SLCO1B1: variants seen among roughly 807,000 people sequenced by gnomAD.
SLCO1B1 encodes solute carrier organic anion transporter family member 1B1.
SLCO1B1 carries 81 observed loss-of-function variants against 70.1 expected under a neutral mutation model. The ratio of observed to expected loss-of-function variants is 1.16; its 90% CI spans 0.97 to 1.39. The LOEUF (loss-of-function observed/expected upper bound fraction) is 1.39, where lower values mean the gene tolerates loss of function less well. Ranked by LOEUF, SLCO1B1 falls within the 40% of genes most tolerant of loss-of-function variation. The probability of loss-of-function intolerance (pLI) is 0.00; values close to 1 mark genes in which losing one functional copy is unlikely to be tolerated. For missense variants in SLCO1B1, 895 were observed against 799.6 expected (o/e 1.12, Z -1.44); for synonymous variants, 283 against 271.5 (o/e 1.04, Z -0.42).
intron 8 of SLCO1B1, among the ~76,000 whole-genome samples, chr12:21,198,615 C>G (rs1190554173): frequency 6.6e-6 from 1 of 151,758 alleles, no homozygotes; most frequent in African/African-American, 2.4e-5. Context: ...AAGTATGTAT[C>G]TATTAGGAAT....
intron 10 of SLCO1B1, among the ~76,000 whole-genome samples, chr12:21,205,564 C>T (rs2121155034): frequency 6.6e-6 from 1 of 151,938 alleles, no homozygotes; most frequent in South Asian, 2.1e-4. Flanking sequence ...GAAGTTTCTT[C>T]ATAGAATTAT....
At chr12:21,209,324 T>C (rs1941252186) in intron 11 of SLCO1B1, among the ~76,000 whole-genome samples, 1 of 152,064 alleles carries the variant, frequency 6.6e-6, no homozygotes, top group Non-Finnish European at 1.5e-5. Flanking sequence ...TTTTTTGTTC[T>C]TGCAACAGTT....
intron 9 of SLCO1B1, 76 bp from the exon 10 acceptor site, chr12:21,202,415 C>T: frequency 1.1e-6 from 1 of 917,610 alleles, no homozygotes; most frequent in South Asian, 1.6e-5. Context: ...ATTTGATTGA[C>T]ATACATTGTG....
intron 7 of SLCO1B1, among the ~76,000 whole-genome samples, chr12:21,195,963 C>A (rs1941087832): frequency 6.6e-6 from 1 of 152,074 alleles, no homozygotes. Context: ...CTATGTTGAG[C>A]CAGGGAATAG....
rs569096230 is a variant in SLCO1B1, at chr12:21,166,823, A to G, written c.85-5827A>G. ...TAAGTATCAAGTGGAAAGCATGTCT[A>G]CACAACAGCCTACAAAGAGGTGTTT... On this transcript the variant is annotated intron_variant, in intron 2 of 14. Coordinates refer to ENST00000256958, the MANE Select transcript of SLCO1B1 (RefSeq NM_006446.5). 4.6e-5 allele frequency among the ~76,000 whole-genome samples: 7 copies of G among 152,324 alleles called. No homozygotes were observed. The East Asian group carries it at 1.2e-3, about 25-fold the overall frequency.
chr12:21,211,397 C>G (rs1238121815), intron 11 of SLCO1B1, among the ~76,000 whole-genome samples: 1 of 152,190 alleles, frequency 6.6e-6, no homozygotes, highest in Admixed American at 6.5e-5. Flanking sequence ...AGCCTTGCAT[C>G]CCAGGGATGA....
At position 21,239,316 on chromosome 12, in the gene SLCO1B1, A is replaced by G. The variant is rs1941625462; in HGVS notation, c.*127A>G. ...TTTCCACATCTTTTATGGTGGAAGT[A>G]TAAATAAGCCTATGAACTTATAATA... On this transcript the variant is annotated 3_prime_UTR_variant, in exon 15 of 15. Transcript: ENST00000256958. The G allele has an allele frequency of 1.3e-6, 1 of 766,972 alleles. No homozygotes were observed. The highest frequency in any genetic ancestry group is 2.3e-6 in the Non-Finnish European group (1 of 425,636). 47.5% of individuals were successfully genotyped at this position (766,972 alleles called of 1,614,324 possible).
At position 21,152,532 on chromosome 12, in the gene SLCO1B1, G is replaced by GTTTTTTTTTT. The variant is rs1321105425; in HGVS notation, c.84+10874_84+10875insTTTTTTTTTT. On this transcript the variant is annotated intron_variant, in intron 2 of 14. Coordinates refer to ENST00000256958, the MANE Select transcript of SLCO1B1 (RefSeq NM_006446.5). ...GTTGCTAAGGTGTGGGAGAGGAGAGGCTTTTTTTTTTTTTTTTTTGCCTCT... is the reference window on the plus strand; with the variant it reads ...GTTGCTAAGGTGTGGGAGAGGAGAGGTTTTTTTTTTCTTTTTTTTTTTTTTTTTTGCCTCT... Among the ~76,000 whole-genome samples, 66 of 7,848 alleles carry GTTTTTTTTTT rather than the reference G, an allele frequency of 8.4e-3. 1 individual carries two copies. Among genetic ancestry groups the GTTTTTTTTTT allele is most frequent in the Non-Finnish European group, 0.033 (52 of 1,592 alleles). The allele number at this position is 7,848 out of a possible 152,430, so 5.1% of individuals were successfully genotyped here. A position where few individuals can be genotyped will look rare whatever the true frequency, so the allele number is the denominator to read the frequency against.
chr12:21,219,473 G>A (rs1941398103), intron 12 of SLCO1B1, among the ~76,000 whole-genome samples: 1 of 152,134 alleles, frequency 6.6e-6, no homozygotes, highest in Non-Finnish European at 1.5e-5. Context: ...CAGATCCTAT[G>A]GGTCACAGGA....
intron 14 of SLCO1B1, among the ~76,000 whole-genome samples, chr12:21,234,776 T>C (rs1007407593): frequency 6.6e-6 from 1 of 152,200 alleles, no homozygotes; most frequent in Non-Finnish European, 1.5e-5. Flanking sequence ...AAAATTGTGT[T>C]CTGCTCTAAT....
chr12:21,198,642 T>C (rs1208786324), intron 8 of SLCO1B1, among the ~76,000 whole-genome samples: 1 of 147,124 alleles, frequency 6.8e-6, no homozygotes, highest in Non-Finnish European at 1.5e-5. Context: ...AATAAGAATA[T>C]ATAGTCAGAA....
intron 7 of SLCO1B1, among the ~76,000 whole-genome samples, chr12:21,183,878 GAA>G (rs963189936): frequency 1.3e-5 from 2 of 151,646 alleles, no homozygotes; most frequent in Non-Finnish European, 2.9e-5. Flanking sequence ...TCCAAAAGCT[GAA>G]AGACATAATA....
At chr12:21,166,020 G>C (rs897550815) in intron 2 of SLCO1B1, among the ~76,000 whole-genome samples, 43 of 151,290 alleles carry the variant, frequency 2.8e-4, no homozygotes, top group African/African-American at 1.0e-3. Flanking sequence ...AAAAAAAAAC[G>C]AAGAAAAATT....
At chr12:21,220,983 T>G (rs1307071652) in intron 12 of SLCO1B1, among the ~76,000 whole-genome samples, 1 of 152,070 alleles carries the variant, frequency 6.6e-6, no homozygotes, top group Admixed American at 6.6e-5. Context: ...TCAACATATA[T>G]AAATCAATAA....
In SLCO1B1 at chr12:21,197,137, C is replaced by A. The variant is rs2121140243; in HGVS notation, c.919C>A (p.Gln307Lys). The A allele has an allele frequency of 6.2e-7, 1 of 1,613,386 alleles. No individual in the cohort carries two copies. The change falls in exon 8 of 15, where the codon CAA (glutamine) becomes AAA (lysine). Residue 307 changes from glutamine (Q) to lysine (K), a missense_variant. Coordinates refer to ENST00000256958, the MANE Select transcript of SLCO1B1 (RefSeq NM_006446.5). ...HVLETNDEKD[Q>K]TANLTNQGKN... ...GCTGGAAACAAATGATGAAAAGGAT[C>A]AAACAGCTAATTTGACCAATCAAGG... is the stretch of plus-strand genomic sequence containing the variant.
chr12:21,239,390 G>C lies in SLCO1B1; in HGVS notation c.*201G>C, dbSNP rs2121217938. On this transcript the variant is annotated 3_prime_UTR_variant, in exon 15 of 15. Coordinates refer to ENST00000256958, the MANE Select transcript of SLCO1B1 (RefSeq NM_006446.5). ...TGAGAGTACTCATTGTTACATTATA[G>C]CTACATATTTGTGGTTAAGGTTAGA... is the stretch of plus-strand genomic sequence containing the variant. The C allele has an allele frequency of 1.9e-6, 1 of 536,512 alleles. No homozygotes were observed. The highest frequency in any genetic ancestry group is 1.9e-5 in the African/African-American group (1 of 52,950). The allele number at this position is 536,512 out of a possible 1,614,324, so 33.2% of individuals were successfully genotyped here.
At chr12:21,170,858 C>T (rs1940748234) in intron 2 of SLCO1B1, among the ~76,000 whole-genome samples, 1 of 152,188 alleles carries the variant, frequency 6.6e-6, no homozygotes, top group Non-Finnish European at 1.5e-5. Context: ...TGTCGGCTAT[C>T]AAAGAGTTTT....
At chr12:21,191,062 T>C (rs1941024308) in intron 7 of SLCO1B1, among the ~76,000 whole-genome samples, 1 of 152,124 alleles carries the variant, frequency 6.6e-6, no homozygotes, top group African/African-American at 2.4e-5. Flanking sequence ...AAATACATTT[T>C]GTAATTAGGA....
At chr12:21,133,382 G>A (rs1270508080) in intron 1 of SLCO1B1, among the ~76,000 whole-genome samples, 1 of 152,172 alleles carries the variant, frequency 6.6e-6, no homozygotes, top group Admixed American at 6.6e-5. Context: ...GTCATTGGTA[G>A]CTTGATGGGG....
Sources: allele counts gnomAD v4.1 joint callset (sites outside exome capture counted in the v4.1 genomes callset), GRCh38; gene constraint gnomAD v4.1.1; transcripts MANE v1.5; gene names NCBI Gene and HGNC (gene_info 2026-07-23, HGNC 2026-07-21).